Variants in SPOCK1 observed in about 807,000 individuals in gnomAD.
SPOCK1 encodes SPARC (osteonectin), cwcv and kazal like domains proteoglycan 1.
SPOCK1 carries 23 observed loss-of-function variants against 55.3 expected under a neutral mutation model. The ratio of observed to expected loss-of-function variants is 0.42; its 90% CI spans 0.30 to 0.59. SPOCK1 has a LOEUF of 0.59. Ranked by LOEUF, SPOCK1 falls within the 20% of genes least tolerant of loss-of-function variation. SPOCK1 has a pLI of 0.22. For missense variants in SPOCK1, 499 were observed against 552.5 expected (o/e 0.90, Z 0.97); for synonymous variants, 226 against 221.0 (o/e 1.02, Z -0.20).
chr5:137,067,701 A>T lies in SPOCK1; in HGVS notation c.589+14T>A, dbSNP rs780430935. 1.9e-6 allele frequency: 3 copies of T among 1,611,190 alleles called. No homozygotes were observed. Among genetic ancestry groups the T allele is most frequent in the Non-Finnish European group, 2.5e-6 (3 of 1,177,480 alleles). ...TTCCTGCCCACGAATTCTCTGAAGG[A>T]AACCCTCACTCACCACTCCTTTCTG... On this transcript the variant is annotated intron_variant, in intron 6 of 10. Transcript: ENST00000394945.
At chr5:137,196,823 T>C (rs1328420206) in intron 3 of SPOCK1, among the ~76,000 whole-genome samples, 1 of 152,258 alleles carries the variant, frequency 6.6e-6, no homozygotes, top group East Asian at 1.9e-4. Context: ...TGACCAGTAC[T>C]CTTCAGGGTG....
intron 4 of SPOCK1, among the ~76,000 whole-genome samples, chr5:137,134,336 C>T (rs745483742): frequency 1.3e-5 from 2 of 152,166 alleles, no homozygotes; most frequent in South Asian, 2.1e-4. Context: ...TATTTATTTG[C>T]AGAACAGTAG....
intron 2 of SPOCK1, among the ~76,000 whole-genome samples, chr5:137,486,441 C>T (rs772379477): frequency 1.3e-5 from 2 of 152,212 alleles, no homozygotes; most frequent in Admixed American, 6.5e-5. Context: ...CCTCCAAGCA[C>T]CTCTTTCTCT....
intron 7 of SPOCK1, 132 bp downstream of exon 7, chr5:136,992,352 T>G: frequency 1.4e-6 from 1 of 736,504 alleles, no homozygotes; most frequent in Non-Finnish European, 2.2e-6. Context: ...CAACTTTTTT[T>G]TGAGATTGGG....
chr5:137,388,254 G>C (rs140605264), intron 2 of SPOCK1, among the ~76,000 whole-genome samples: 1 of 152,204 alleles, frequency 6.6e-6, no homozygotes, highest in Middle Eastern at 3.2e-3. Context: ...CTGGGTAACA[G>C]CATTGTGCTA....
At chr5:137,114,584 T>C (rs1240786231) in intron 4 of SPOCK1, among the ~76,000 whole-genome samples, 1 of 152,230 alleles carries the variant, frequency 6.6e-6, no homozygotes, top group Admixed American at 6.5e-5. Context: ...AAACATACGG[T>C]ACTCTTTCAG....
At chr5:137,385,854 G>C (rs1197433578) in intron 2 of SPOCK1, among the ~76,000 whole-genome samples, 2 of 152,312 alleles carry the variant, frequency 1.3e-5, no homozygotes, top group Non-Finnish European at 2.9e-5. Context: ...AACTTTTTCT[G>C]TCAAGGGCCA....
At chr5:137,335,814 A>T (rs950481758) in intron 2 of SPOCK1, among the ~76,000 whole-genome samples, 1 of 152,244 alleles carries the variant, frequency 6.6e-6, no homozygotes. Context: ...AAATTTCAGC[A>T]TGTTCAAGTC....
In SPOCK1 at chr5:136,976,336, A is replaced by G. The variant is rs1750614923; in HGVS notation, c.*2318T>C. ...TCTGAAAATGGCATCTCATTACCTT[A>G]CTGGGAACTGTCTATTGAGCACTCT... On this transcript the variant is annotated 3_prime_UTR_variant, in exon 11 of 11. Coordinates refer to ENST00000394945, the MANE Select transcript of SPOCK1 (RefSeq NM_004598.4). 1 of 152,582 alleles carries G rather than the reference A, an allele frequency of 6.6e-6. No homozygotes were observed. The highest frequency in any genetic ancestry group is 1.5e-5 in the Non-Finnish European group (1 of 68,032). The allele number at this position is 152,582 out of a possible 1,614,324, so 9.5% of individuals were successfully genotyped here. A position where few individuals can be genotyped will look rare whatever the true frequency, so the allele number is the denominator to read the frequency against.
At chr5:137,413,093 ATTTAG>A (rs1030701245) in intron 2 of SPOCK1, among the ~76,000 whole-genome samples, 4 of 152,280 alleles carry the variant, frequency 2.6e-5, no homozygotes, top group East Asian at 3.9e-4. Flanking sequence ...TCATAACCTT[ATTTAG>A]TTCTCTATGA....
At chr5:137,260,509 C>T (rs1348042994) in intron 3 of SPOCK1, among the ~76,000 whole-genome samples, 2 of 151,966 alleles carry the variant, frequency 1.3e-5, no homozygotes, top group Non-Finnish European at 1.5e-5. Flanking sequence ...GACATAAAAA[C>T]ATAAGGACAT....
intron 3 of SPOCK1, among the ~76,000 whole-genome samples, chr5:137,215,868 TC>T (rs887463039): frequency 1.3e-5 from 2 of 152,194 alleles, no homozygotes; most frequent in East Asian, 1.9e-4. Context: ...CAGTTAAAGT[TC>T]TTAGGAACAC....
chr5:137,496,709 A>G (rs566353046), intron 2 of SPOCK1, among the ~76,000 whole-genome samples: 1 of 152,352 alleles, frequency 6.6e-6, no homozygotes, highest in East Asian at 1.9e-4. Flanking sequence ...TTTTTCAGCC[A>G]TAGGGAAAGG....
intron 6 of SPOCK1, among the ~76,000 whole-genome samples, chr5:136,997,775 A>G (rs908027738): frequency 6.6e-6 from 1 of 152,108 alleles, no homozygotes; most frequent in Non-Finnish European, 1.5e-5. Flanking sequence ...TCTCTTTTCT[A>G]TGCTCCCAAT....
chr5:137,233,521 T>G (rs1756112366), intron 3 of SPOCK1, among the ~76,000 whole-genome samples: 1 of 152,130 alleles, frequency 6.6e-6, no homozygotes, highest in Admixed American at 6.5e-5. Context: ...CTTGCTCACC[T>G]GTCGCTCACC....
chr5:137,058,377 G>T (rs1227590622), intron 6 of SPOCK1, among the ~76,000 whole-genome samples: 1 of 152,076 alleles, frequency 6.6e-6, no homozygotes, highest in Non-Finnish European at 1.5e-5. Flanking sequence ...GCTGTTAGGG[G>T]GATTAAACAT....
intron 3 of SPOCK1, among the ~76,000 whole-genome samples, chr5:137,160,785 A>T (rs954542458): frequency 2.8e-5 from 4 of 140,854 alleles, no homozygotes; most frequent in African/African-American, 1.0e-4. Context: ...AATGTAAACT[A>T]GTACAGTCAC....
chr5:137,107,137 A>G (rs1002016088), intron 5 of SPOCK1, among the ~76,000 whole-genome samples: 20 of 152,154 alleles, frequency 1.3e-4, no homozygotes. Flanking sequence ...CTAAACATCT[A>G]TTCTAACGAA....
At position 136,979,421 on chromosome 5, in the gene SPOCK1, T is replaced by C. The variant is rs1750681586; in HGVS notation, c.1040A>G (p.Gln347Arg). Residue 347 changes from glutamine (Q) to arginine (R), a missense_variant, in exon 10 of 11, where the codon CAG becomes CGG. Gln to Arg is a conservative substitution (Grantham distance 43). Around this residue, in one of 3 missense-constraint regions of SPOCK1, gnomAD observed 30 missense variants for 64.4 expected, o/e 0.47. Transcript: ENST00000394945. Reference protein sequence around the residue: ...CNEEGYYKATQCHGSTGQCWC... With the variant: ...CNEEGYYKATRCHGSTGQCWC... ...GCACTGCCCCGTGCTGCCGTGGCAC[T>C]GTGTGGCTTTGTAATAGCCCTCCTC... 1 of 1,613,998 alleles carries C rather than the reference T, an allele frequency of 6.2e-7. No homozygotes were observed. The highest frequency in any genetic ancestry group is 8.5e-7 in the Non-Finnish European group (1 of 1,179,988).
Sources: allele counts gnomAD v4.1 joint callset (sites outside exome capture counted in the v4.1 genomes callset), GRCh38; gene constraint gnomAD v4.1.1; regional missense constraint gnomAD v4.1.1; transcripts MANE v1.5; gene names NCBI Gene and HGNC (gene_info 2026-07-23, HGNC 2026-07-21).